SMAD9: variants seen among roughly 807,000 people sequenced by gnomAD.
SMAD9 encodes SMAD family member 9.
A neutral mutation model predicts 46.1 loss-of-function variants in SMAD9; 36 were observed. The observed-to-expected ratio is 0.78, with a 90% CI of 0.60 to 1.03. SMAD9 has a LOEUF of 1.03. SMAD9 is among the 50% of genes least tolerant of loss of function. The pLI, the probability that SMAD9 is intolerant of heterozygous loss-of-function variation, is 0.00. For missense variants in SMAD9, 572 were observed against 599.8 expected (o/e 0.95, Z 0.48); for synonymous variants, 245 against 237.1 (o/e 1.03, Z -0.31).
At chr13:36,884,267 T>C (rs1366149038) in intron 1 of SMAD9, among the ~76,000 whole-genome samples, 1 of 152,186 alleles carries the variant, frequency 6.6e-6, no homozygotes. Flanking sequence ...AGTAAAAGCA[T>C]ATACTGGGCG....
chr13:36,880,523 G>T (rs2058393815), intron 1 of SMAD9, among the ~76,000 whole-genome samples: 1 of 152,192 alleles, frequency 6.6e-6, no homozygotes. Flanking sequence ...ACCACTCCTG[G>T]ACAGCCATTC....
At chr13:36,909,640 C>T (rs1430309172) in intron 1 of SMAD9, among the ~76,000 whole-genome samples, 1 of 152,100 alleles carries the variant, frequency 6.6e-6, no homozygotes, top group African/African-American at 2.4e-5. Flanking sequence ...GAATAAAACA[C>T]AAGAATGGAG....
chr13:36,899,952 T>C (rs1413163528), intron 1 of SMAD9, among the ~76,000 whole-genome samples: 1 of 152,184 alleles, frequency 6.6e-6, no homozygotes, highest in African/African-American at 2.4e-5. Context: ...AAAGGTTTGA[T>C]TCACTCTAAG....
At position 36,867,398 on chromosome 13, in the gene SMAD9, T is replaced by A; in HGVS notation, c.671-15A>T. ...TGGTGTGTCAACTAAAAGAAAGCAG[T>A]AGAACAAAGGAATTGTCAAATCGAT... is the stretch of plus-strand genomic sequence containing the variant. On this transcript the variant is annotated splice_polypyrimidine_tract_variant and intron_variant, in intron 3 of 6. Transcript: ENST00000379826. 6.7e-7 allele frequency: 1 copy of A among 1,491,204 alleles called. No individual in the cohort carries two copies. Among genetic ancestry groups the A allele is most frequent in the Non-Finnish European group, 9.1e-7 (1 of 1,097,846 alleles). The allele number at this position is 1,491,204 out of a possible 1,614,324, so 92.4% of individuals were successfully genotyped here. A position where few individuals can be genotyped will look rare whatever the true frequency, so the allele number is the denominator to read the frequency against.
At chr13:36,853,855 A>C (rs920415988) in intron 5 of SMAD9, among the ~76,000 whole-genome samples, 180 bp from the exon 6 acceptor site, 1 of 152,104 alleles carries the variant, frequency 6.6e-6, no homozygotes, top group Non-Finnish European at 1.5e-5. Context: ...TTTTTCCACA[A>C]ATCCATTTAA....
chr13:36,898,300 A>G (rs1421955866), intron 1 of SMAD9, among the ~76,000 whole-genome samples: 2 of 151,750 alleles, frequency 1.3e-5, no homozygotes, highest in Non-Finnish European at 2.9e-5. Context: ...TTTCCCAGGA[A>G]AAATCACCAG....
intron 6 of SMAD9, among the ~76,000 whole-genome samples, chr13:36,853,070 A>T (rs1372000322): frequency 6.6e-6 from 1 of 152,098 alleles, no homozygotes. Context: ...GAGGATCACA[A>T]GGTCAGGAGT....
chr13:36,901,502 A>C (rs2138636765), intron 1 of SMAD9, among the ~76,000 whole-genome samples: 1 of 149,510 alleles, frequency 6.7e-6, no homozygotes, highest in Admixed American at 6.7e-5. Flanking sequence ...ATCTCAGCTC[A>C]CTGCAACCTC....
At chr13:36,900,198 GT>G (rs1436916520) in intron 1 of SMAD9, among the ~76,000 whole-genome samples, 1 of 152,138 alleles carries the variant, frequency 6.6e-6, no homozygotes, top group Non-Finnish European at 1.5e-5. Flanking sequence ...CGTTCTTCAT[GT>G]TAGTATACAC....
At chr13:36,877,931 A>G (rs1366798185) in intron 2 of SMAD9, among the ~76,000 whole-genome samples, 2 of 152,186 alleles carry the variant, frequency 1.3e-5, no homozygotes, top group South Asian at 2.1e-4. Context: ...TTCACTGGAC[A>G]TGGGCAATTT....
chr13:36,888,053 C>CT (rs2058461785), intron 1 of SMAD9, among the ~76,000 whole-genome samples: 2 of 152,316 alleles, frequency 1.3e-5, no homozygotes, highest in African/African-American at 4.8e-5. Flanking sequence ...GGGTCCCACT[C>CT]TGAGGAGTTT....
chr13:36,900,139 CA>C (rs2058561816), intron 1 of SMAD9, among the ~76,000 whole-genome samples: 1 of 152,178 alleles, frequency 6.6e-6, no homozygotes, highest in South Asian at 2.1e-4. Flanking sequence ...TACTTTCCCT[CA>C]AACATACCAA....
At chr13:36,856,486 C>G (rs564141374) in intron 5 of SMAD9, among the ~76,000 whole-genome samples, 1 of 152,314 alleles carries the variant, frequency 6.6e-6, no homozygotes, top group African/African-American at 2.4e-5. Flanking sequence ...GAGAGAAGAG[C>G]AGAGCCAATG....
intron 1 of SMAD9, among the ~76,000 whole-genome samples, chr13:36,906,601 A>C (rs896057520): frequency 6.6e-6 from 1 of 152,208 alleles, no homozygotes; most frequent in Non-Finnish European, 1.5e-5. Flanking sequence ...TAGAATAGAC[A>C]CTTCTCCAAA....
chr13:36,905,574 A>G (rs1447249330), intron 1 of SMAD9, among the ~76,000 whole-genome samples: 2 of 151,980 alleles, frequency 1.3e-5, no homozygotes, highest in African/African-American at 2.4e-5. Flanking sequence ...TGGGCAACAT[A>G]GCCAAACCCC....
rs2138237346 is a variant in SMAD9 at position 36,845,688 on chromosome 13, G to A, written c.*2988C>T. The A allele has an allele frequency of 6.6e-6, 1 of 152,156 alleles. No individual in the cohort carries two copies. The highest frequency in any genetic ancestry group is 1.9e-4 in the East Asian group (1 of 5,176). The allele number at this position is 152,156 out of a possible 1,614,324, so 9.4% of individuals were successfully genotyped here. ...GCTAAATGAGCCCATTTAGCAGCCT[G>A]AAATCAAATACTGCATTTATTTTTT... On this transcript the variant is annotated 3_prime_UTR_variant, in exon 7 of 7. Transcript: ENST00000379826.
intron 5 of SMAD9, among the ~76,000 whole-genome samples, chr13:36,859,815 G>C (rs1420328684): frequency 6.6e-6 from 1 of 151,844 alleles, no homozygotes; most frequent in Non-Finnish European, 1.5e-5. Flanking sequence ...ACAAAATTAG[G>C]AGGGCATGGT....
At chr13:36,880,955 T>C (rs776191809) in intron 1 of SMAD9, among the ~76,000 whole-genome samples, 9 of 152,300 alleles carry the variant, frequency 5.9e-5, no homozygotes, top group Non-Finnish European at 1.2e-4. Context: ...CAAGAGTTCT[T>C]TGGAGTTCTC....
chr13:36,869,826 T>C (rs563423106), intron 3 of SMAD9, among the ~76,000 whole-genome samples: 2 of 116,618 alleles, frequency 1.7e-5, no homozygotes, highest in Non-Finnish European at 3.8e-5. Flanking sequence ...CAAAACTCCA[T>C]CTCAAAAAAA....
Sources: allele counts gnomAD v4.1 joint callset (sites outside exome capture counted in the v4.1 genomes callset), GRCh38; gene constraint gnomAD v4.1.1; transcripts MANE v1.5; gene names NCBI Gene and HGNC (gene_info 2026-07-23, HGNC 2026-07-21).